The following EFHB variants were observed in gnomAD, a reference collection of about 807,000 sequenced individuals.
EFHB encodes the protein EF-hand domain-containing family member B.
A neutral mutation model predicts 87.2 loss-of-function variants in EFHB; 91 were observed. That is an observed-to-expected ratio of 1.04 (90% CI 0.88 to 1.24). EFHB has a LOEUF of 1.24. Among genes scored for constraint, EFHB ranks in the 50% most tolerant of loss-of-function variants. The pLI is 0.00. For synonymous variants in EFHB, 325 were observed against 333.6 expected, an observed-to-expected ratio of 0.97 and a Z score of 0.28; for missense variants, 1,084 against 998.8, an observed-to-expected ratio of 1.09 and a Z score of -1.15.
intron 1 of EFHB, among the ~76,000 whole-genome samples, chr3:19,924,119 T>C (rs771764067): frequency 8.5e-5 from 13 of 152,150 alleles, no homozygotes; most frequent in South Asian, 2.1e-4. Context: ...ATTATTCCTA[T>C]GATGGTTGCC....
At chr3:19,896,631 A>G (rs762496522) in intron 9 of EFHB, 56 bp downstream of exon 9, 10 of 1,612,384 alleles carry the variant, frequency 6.2e-6, no homozygotes, top group Non-Finnish European at 8.5e-6. Context: ...ATCTACACCA[A>G]ACTGCTGGGA....
chr3:19,923,355 A>ATTTGT (rs1361176024), intron 1 of EFHB, among the ~76,000 whole-genome samples: 2 of 151,662 alleles, frequency 1.3e-5, no homozygotes, highest in Non-Finnish European at 2.9e-5. Flanking sequence ...CTAATGTTTC[A>ATTTGT]TTTGTTTTGT....
At chr3:19,929,973 T>C (rs975091896) in intron 1 of EFHB, among the ~76,000 whole-genome samples, 2 of 152,198 alleles carry the variant, frequency 1.3e-5, no homozygotes, top group Non-Finnish European at 2.9e-5. Flanking sequence ...TTTAGCCGAA[T>C]TACCTAAATT....
At chr3:19,933,196 G>GTT in intron 1 of EFHB, 34 bp downstream of exon 1, 1 of 1,585,156 alleles carries the variant, frequency 6.3e-7, no homozygotes, top group South Asian at 1.1e-5. Context: ...GCTATACACA[G>GTT]TTTAGTTCCT....
chr3:19,887,022 T>C (rs944845787), intron 10 of EFHB, among the ~76,000 whole-genome samples: 19 of 152,184 alleles, frequency 1.2e-4, no homozygotes, highest in African/African-American at 3.9e-4. Flanking sequence ...AATCATAATA[T>C]ATCAGCATGA....
chr3:19,927,820 C>T (rs1351778404), intron 1 of EFHB, among the ~76,000 whole-genome samples: 1 of 152,022 alleles, frequency 6.6e-6, no homozygotes, highest in Non-Finnish European at 1.5e-5. Context: ...CCATCCCATC[C>T]CCTGGTCAGG....
intron 9 of EFHB, among the ~76,000 whole-genome samples, chr3:19,891,142 C>T (rs1365883794): frequency 6.6e-6 from 1 of 152,182 alleles, no homozygotes; most frequent in Admixed American, 6.5e-5. Context: ...TCATAGTTCA[C>T]TGCAGCCTCA....
At chr3:19,939,370 C>CTTTTT (rs147510880) in intron 1 of EFHB, among the ~76,000 whole-genome samples, 1,049 of 64,566 alleles carry the variant, frequency 0.016, 225 homozygotes, top group South Asian at 0.022. Context: ...GTTGGGTCTC[C>CTTTTT]TTTTTTTTTT....
Position 19,908,512 on chromosome 3 carries a change from G to A in EFHB, c.1289-2763C>T, listed in dbSNP as rs951463874. Among the ~76,000 whole-genome samples the A allele has an allele frequency of 3.3e-5, 5 of 149,574 alleles. No individual in the cohort carries two copies. The South Asian group carries it at 6.4e-4, about 19-fold the overall frequency. On this transcript the variant is annotated intron_variant, in intron 5 of 12. Transcript: ENST00000295824. The stretch of plus-strand genomic sequence containing the variant: ...CAGGCCACTTCACTCCAGCCTGGAC[G>A]AAAGAGCAAAACTCCGTCTCAAAAA...
intron 1 of EFHB, among the ~76,000 whole-genome samples, chr3:19,945,427 G>T (rs1339117150): frequency 6.6e-6 from 1 of 152,166 alleles, no homozygotes; most frequent in South Asian, 2.1e-4. Flanking sequence ...CATGGACCAG[G>T]TGTTGGGATT....
intron 11 of EFHB, 71 bp downstream of exon 11, chr3:19,884,332 A>G (rs925824766): frequency 7.2e-7 from 1 of 1,393,814 alleles, no homozygotes; most frequent in African/African-American, 1.4e-5. Context: ...GGAGAAAGGC[A>G]GGGGACAATG....
intron 6 of EFHB, among the ~76,000 whole-genome samples, chr3:19,900,703 C>T (rs58603530): frequency 0.063 from 9,574 of 151,992 alleles, 950 homozygotes; most frequent in African/African-American, 0.21. Flanking sequence ...CTAAAGTGGG[C>T]AGATCACTTG....
chr3:19,879,762 C>T lies in EFHB; in HGVS notation c.2371G>A (p.Glu791Lys). Residue 791 changes from glutamate to lysine, a missense_variant, in exon 13 of 13, where the codon GAA (glutamate) becomes AAA (lysine). By Grantham distance (56) the Glu-to-Lys change is moderately conservative. Transcript: ENST00000295824. Reference protein sequence around the residue: ...LCNIGVKLSDEEFENVWNLAS... With the variant: ...LCNIGVKLSDKEFENVWNLAS... ...AGATTCCATACATTTTCAAATTCTT[C>T]ATCAGACAGTTTGACACCAATGTTA... 6.2e-7 allele frequency: 1 copy of T among 1,608,486 alleles called. No homozygotes were observed. Among genetic ancestry groups the T allele is most frequent in the Non-Finnish European group, 8.5e-7 (1 of 1,178,554 alleles).
intron 1 of EFHB, among the ~76,000 whole-genome samples, chr3:19,939,497 G>A (rs764169415): frequency 3.5e-4 from 49 of 140,858 alleles, no homozygotes; most frequent in Non-Finnish European, 6.1e-4. Flanking sequence ...CCATTCTCCC[G>A]CCTCAGCCTC....
intron 1 of EFHB, among the ~76,000 whole-genome samples, chr3:19,925,761 T>C (rs964643646): frequency 7.2e-5 from 11 of 152,146 alleles, no homozygotes; most frequent in Non-Finnish European, 1.0e-4. Flanking sequence ...TATAAGACCA[T>C]TTTCAGCTGC....
intron 4 of EFHB, among the ~76,000 whole-genome samples, chr3:19,916,060 T>A (rs542076648): frequency 6.6e-6 from 1 of 152,198 alleles, no homozygotes; most frequent in South Asian, 2.1e-4. Flanking sequence ...ATCCTGAGAA[T>A]CTCTGTACAA....
chr3:19,910,394 A>G (rs1695013978), intron 5 of EFHB, among the ~76,000 whole-genome samples: 1 of 152,098 alleles, frequency 6.6e-6, no homozygotes, highest in African/African-American at 2.4e-5. Flanking sequence ...AGAGTGGGAA[A>G]GACTGTATCT....
chr3:19,890,362 T>C (rs1034207413), intron 9 of EFHB, among the ~76,000 whole-genome samples: 2 of 152,166 alleles, frequency 1.3e-5, no homozygotes, highest in Non-Finnish European at 2.9e-5. Flanking sequence ...GGGATGCATC[T>C]GTTCAGTGGG....
At position 19,906,227 on chromosome 3, in the gene EFHB, G is replaced by A. The variant is rs140572883; in HGVS notation, c.1289-478C>T. 5.7e-3 allele frequency among the ~76,000 whole-genome samples: 861 copies of A among 152,244 alleles called. 5 individuals carry two copies. The highest frequency in any genetic ancestry group is 0.02 in the African/African-American group (840 of 41,504). The stretch of plus-strand genomic sequence containing the variant: ...ACCTGTAATCCCAGCTACTTCGGAG[G>A]CTGAGGCACGAGAATCGCTTGAACC... On this transcript the variant is annotated intron_variant, in intron 5 of 12. Transcript: ENST00000295824.
Sources: allele counts gnomAD v4.1 joint callset (sites outside exome capture counted in the v4.1 genomes callset), GRCh38; gene constraint gnomAD v4.1.1; transcripts MANE v1.5; gene names NCBI Gene and HGNC (gene_info 2026-07-23, HGNC 2026-07-21).